AGMO: variants seen among roughly 807,000 people sequenced by gnomAD.
AGMO encodes glyceryl-ether monooxygenase.
In AGMO, 75 loss-of-function variants were observed where a neutral mutation model predicts 60.2. That is an observed-to-expected ratio of 1.25 (90% confidence interval 1.03 to 1.51). AGMO has a LOEUF of 1.51. Ranked by LOEUF, AGMO falls within the 40% of genes most tolerant of loss-of-function variation. AGMO has a pLI of 0.00. For synonymous variants in AGMO, 261 were observed against 177.1 expected (o/e 1.47, Z -3.76); for missense variants, 763 against 525.5 (o/e 1.45, Z -4.42).
intron 12 of AGMO, among the ~76,000 whole-genome samples, chr7:15,297,925 A>G (rs974613982): frequency 1.3e-5 from 2 of 152,320 alleles, no homozygotes; most frequent in African/African-American, 4.8e-5. Context: ...TTCTTATTAC[A>G]AAGAATGCTG....
chr7:15,245,218 G>T lies in AGMO; in HGVS notation c.1264-43859C>A, dbSNP rs1005016534. On this transcript the variant is annotated intron_variant, in intron 12 of 12. Coordinates refer to ENST00000342526, the MANE Select transcript of AGMO (RefSeq NM_001004320.2). ...TCCTTTTTCTTTGACTACAATGAAAGATGTCCTCTGCACCAACTAATCTCC... is the reference window on the plus strand; with the variant it reads ...TCCTTTTTCTTTGACTACAATGAAATATGTCCTCTGCACCAACTAATCTCC... Among the ~76,000 whole-genome samples, 4 of 152,040 alleles carry T rather than the reference G, an allele frequency of 2.6e-5. No homozygotes were observed. In the East Asian group the frequency reaches 5.8e-4, roughly 22 times the overall value.
chr7:15,162,842 G>T, the AGMO span, among the ~76,000 whole-genome samples: 1 of 152,010 alleles, frequency 6.6e-6, no homozygotes, highest in African/African-American at 2.4e-5. Context: ...TGACTATTTG[G>T]GCTGTTTTTG....
chr7:15,322,705 A>AATATATATAAATATATAAAT lies in AGMO; in HGVS notation c.1263+42789_1263+42808dup, dbSNP rs1486239982. 6.8e-5 allele frequency among the ~76,000 whole-genome samples: 3 copies of AATATATATAAATATATAAAT among 43,822 alleles called. No individual in the cohort carries two copies. The East Asian group carries it at 1.6e-3, about 23-fold the overall frequency. 28.7% of individuals were successfully genotyped at this position (43,822 alleles called of 152,430 possible). ...ATATATAAATATATGAATATGTATA[A>AATATATATAAATATATAAAT]ATATATATAAATATATAAATATATA... On this transcript the variant is annotated intron_variant, in intron 12 of 12. Coordinates refer to ENST00000342526, the MANE Select transcript of AGMO (RefSeq NM_001004320.2).
At chr7:15,405,155 C>T (rs2030852397) in intron 5 of AGMO, among the ~76,000 whole-genome samples, 1 of 151,762 alleles carries the variant, frequency 6.6e-6, no homozygotes, top group African/African-American at 2.4e-5. Context: ...ATTATTAATA[C>T]ATCCATTCTG....
At chr7:15,524,061 T>C (rs910782028) in intron 3 of AGMO, among the ~76,000 whole-genome samples, 8 of 152,072 alleles carry the variant, frequency 5.3e-5, no homozygotes, top group Non-Finnish European at 1.0e-4. Flanking sequence ...TTTTGTTGTG[T>C]ATGTATTTGT....
chr7:15,226,147 T>C (rs561797565), intron 12 of AGMO, among the ~76,000 whole-genome samples: 1 of 152,116 alleles, frequency 6.6e-6, no homozygotes, highest in South Asian at 2.1e-4. Flanking sequence ...GCTAAAATCT[T>C]ATCAAACCTG....
the AGMO span, among the ~76,000 whole-genome samples, chr7:15,123,021 G>T: frequency 6.6e-6 from 1 of 152,056 alleles, no homozygotes; most frequent in East Asian, 1.9e-4. Flanking sequence ...TCCCTGTCAT[G>T]CTTTCTTTTC....
chr7:15,280,327 A>C (rs1199532357), intron 12 of AGMO, among the ~76,000 whole-genome samples: 1 of 151,624 alleles, frequency 6.6e-6, no homozygotes, highest in African/African-American at 2.4e-5. Flanking sequence ...CTGCCTGCTT[A>C]CTCCCCACTC....
At chr7:15,136,747 GTA>G in the AGMO span, among the ~76,000 whole-genome samples, 27 of 151,960 alleles carry the variant, frequency 1.8e-4, no homozygotes, top group Non-Finnish European at 3.1e-4. Flanking sequence ...TGTGTGATGT[GTA>G]TGTGTGTGTG....
chr7:15,478,516 A>G (rs1305724345), intron 3 of AGMO, among the ~76,000 whole-genome samples: 1 of 152,178 alleles, frequency 6.6e-6, no homozygotes, highest in Non-Finnish European at 1.5e-5. Flanking sequence ...AAAAACCAGG[A>G]GAGTCCAGCA....
chr7:15,496,605 A>G (rs958405300), intron 3 of AGMO, among the ~76,000 whole-genome samples: 1 of 152,164 alleles, frequency 6.6e-6, no homozygotes, highest in African/African-American at 2.4e-5. Flanking sequence ...ATGATGGGCA[A>G]ATGAACAGAT....
intron 12 of AGMO, among the ~76,000 whole-genome samples, chr7:15,261,165 C>G (rs1387723475): frequency 6.6e-6 from 1 of 151,616 alleles, no homozygotes; most frequent in Non-Finnish European, 1.5e-5. Context: ...ATAATCAGAG[C>G]AGAACTAAAT....
At chr7:15,450,666 G>C (rs1356343845) in intron 3 of AGMO, among the ~76,000 whole-genome samples, 1 of 151,978 alleles carries the variant, frequency 6.6e-6, no homozygotes, top group Non-Finnish European at 1.5e-5. Context: ...CACACAGCAA[G>C]TCTGATATTA....
intron 3 of AGMO, among the ~76,000 whole-genome samples, chr7:15,486,739 T>A (rs2128519542): frequency 6.6e-6 from 1 of 152,140 alleles, no homozygotes; most frequent in East Asian, 1.9e-4. Context: ...ACTTTTTAAT[T>A]TTTATTTTAT....
intron 10 of AGMO, among the ~76,000 whole-genome samples, chr7:15,370,355 G>A (rs183676420): frequency 2.2e-3 from 341 of 152,244 alleles, no homozygotes; most frequent in African/African-American, 7.1e-3. Flanking sequence ...ATAATGCTGC[G>A]ATGAACATGA....
intron 8 of AGMO, among the ~76,000 whole-genome samples, chr7:15,389,590 A>G (rs1318503398): frequency 6.6e-6 from 1 of 152,120 alleles, no homozygotes; most frequent in Non-Finnish European, 1.5e-5. Flanking sequence ...GAACAACTGA[A>G]GGGAATTTGT....
chr7:15,295,626 T>C (rs1784387525), intron 12 of AGMO, among the ~76,000 whole-genome samples: 1 of 152,054 alleles, frequency 6.6e-6, no homozygotes, highest in South Asian at 2.1e-4. Context: ...TATATAGATG[T>C]TTTGAAAATA....
chr7:15,374,529 T>C (rs992208202), intron 10 of AGMO, among the ~76,000 whole-genome samples: 4 of 152,130 alleles, frequency 2.6e-5, no homozygotes, highest in African/African-American at 9.7e-5. Context: ...ACTATGGTTC[T>C]ACTCCATTAA....
At chr7:15,396,724 C>T (rs1203735363) in intron 5 of AGMO, 1 of 152,018 alleles carries the variant, frequency 6.6e-6, no homozygotes, top group Non-Finnish European at 1.5e-5. Flanking sequence ...CTGATTGGTC[C>T]ACTTTACAGA....
Sources: allele counts gnomAD v4.1 joint callset (sites outside exome capture counted in the v4.1 genomes callset), GRCh38; gene constraint gnomAD v4.1.1; transcripts MANE v1.5; gene names NCBI Gene and HGNC (gene_info 2026-07-23, HGNC 2026-07-21).